NPFFR2: variants seen among roughly 807,000 people sequenced by gnomAD.
The protein encoded by NPFFR2 is G-protein coupled receptor 74.
Under a neutral mutation model 13.1 loss-of-function variants are expected in NPFFR2, and 15 were observed. The observed-to-expected ratio is 1.15, with a 90% confidence interval of 0.77 to 1.76. The LOEUF (loss-of-function observed/expected upper bound fraction) is 1.76, where lower values mean the gene tolerates loss of function less well. NPFFR2 is among the 40% of genes most tolerant of loss of function. The probability of loss-of-function intolerance (pLI) is 0.00; values close to 1 mark genes in which losing one functional copy is unlikely to be tolerated. For synonymous variants in NPFFR2, 190 were observed against 175.7 expected (o/e 1.08, Z -0.65); for missense variants, 572 against 503.5 (o/e 1.14, Z -1.30).
intron 1 of NPFFR2, among the ~76,000 whole-genome samples, chr4:72,128,133 G>T (rs552649282): frequency 6.6e-6 from 1 of 152,240 alleles, no homozygotes; most frequent in Admixed American, 6.5e-5. Context: ...GCAAATACAA[G>T]AAGTTATTTC....
intron 1 of NPFFR2, among the ~76,000 whole-genome samples, chr4:72,090,694 C>G (rs1482302563): frequency 6.6e-6 from 1 of 152,062 alleles, no homozygotes; most frequent in African/African-American, 2.4e-5. Flanking sequence ...TGAAACTTTA[C>G]TGAATTCATT....
intron 2 of NPFFR2, among the ~76,000 whole-genome samples, chr4:72,130,060 G>A (rs1365543433): frequency 6.8e-6 from 1 of 147,598 alleles, no homozygotes; most frequent in Non-Finnish European, 1.5e-5. Flanking sequence ...CGGGGTTGGG[G>A]GTAAGGTCAT....
At chr4:72,105,072 A>G (rs1336578208) in intron 1 of NPFFR2, among the ~76,000 whole-genome samples, 1 of 143,856 alleles carries the variant, frequency 7.0e-6, no homozygotes, top group South Asian at 2.3e-4. Flanking sequence ...TATGCTTGAT[A>G]TATTTACCAA....
At chr4:72,094,134 G>C (rs2109804228) in intron 1 of NPFFR2, among the ~76,000 whole-genome samples, 1 of 152,266 alleles carries the variant, frequency 6.6e-6, no homozygotes, top group African/African-American at 2.4e-5. Flanking sequence ...TGAGCTGCCA[G>C]GCTCCACCTG....
intron 1 of NPFFR2, among the ~76,000 whole-genome samples, chr4:72,046,590 A>G (rs938044140): frequency 6.6e-6 from 1 of 152,184 alleles, no homozygotes; most frequent in Non-Finnish European, 1.5e-5. Context: ...AGAAAAAAAG[A>G]CATACTATTC....
chr4:72,088,701 G>A (rs551917187), intron 1 of NPFFR2, among the ~76,000 whole-genome samples: 1 of 151,986 alleles, frequency 6.6e-6, no homozygotes, highest in Admixed American at 6.6e-5. Flanking sequence ...AGTAAAGGAG[G>A]GAGTGCCACT....
intron 1 of NPFFR2, among the ~76,000 whole-genome samples, chr4:72,056,755 A>C (rs1386142916): frequency 6.6e-6 from 1 of 152,020 alleles, no homozygotes; most frequent in African/African-American, 2.4e-5. Context: ...TCAGATCTTC[A>C]GGGATGATTT....
chr4:72,118,844 G>A (rs1721786798), intron 1 of NPFFR2, among the ~76,000 whole-genome samples: 1 of 151,860 alleles, frequency 6.6e-6, no homozygotes, highest in Non-Finnish European at 1.5e-5. Context: ...ATAACAAAAT[G>A]GAAATGGGGT....
At chr4:72,072,812 G>T (rs1436260642) in intron 1 of NPFFR2, among the ~76,000 whole-genome samples, 23 of 152,062 alleles carry the variant, frequency 1.5e-4, no homozygotes, top group Admixed American at 1.5e-3. Context: ...AATGTTGAAA[G>T]TAGCTTTAGA....
intron 3 of NPFFR2, among the ~76,000 whole-genome samples, chr4:72,139,165 G>C (rs891979965): frequency 1.3e-5 from 2 of 152,032 alleles, no homozygotes; most frequent in Non-Finnish European, 2.9e-5. Context: ...TTAGCCCTTT[G>C]TCAGAAGGGT....
At chr4:72,039,494 A>G in intron 1 of NPFFR2, 1 of 564,734 alleles carries the variant, frequency 1.8e-6, no homozygotes, top group Non-Finnish European at 2.2e-6. Context: ...CTCTCAAATC[A>G]ATCTTTTTGT....
At chr4:72,137,829 A>G (rs997135248) in intron 2 of NPFFR2, among the ~76,000 whole-genome samples, 1 of 152,354 alleles carries the variant, frequency 6.6e-6, no homozygotes. Flanking sequence ...CTGGAATGTG[A>G]TAACTACTAT....
At chr4:72,106,784 T>G (rs970935069) in intron 1 of NPFFR2, among the ~76,000 whole-genome samples, 1 of 152,014 alleles carries the variant, frequency 6.6e-6, no homozygotes, top group African/African-American at 2.4e-5. Context: ...ATTATTAGGC[T>G]GAACAAATTC....
At chr4:72,086,164 T>C (rs1420512275) in intron 1 of NPFFR2, among the ~76,000 whole-genome samples, 1 of 152,116 alleles carries the variant, frequency 6.6e-6, no homozygotes, top group African/African-American at 2.4e-5. Flanking sequence ...CTATTCTCAT[T>C]TGTTGATTAA....
chr4:72,052,836 T>C (rs573935346), intron 1 of NPFFR2, among the ~76,000 whole-genome samples: 1 of 152,120 alleles, frequency 6.6e-6, no homozygotes, highest in Non-Finnish European at 1.5e-5. Context: ...AATCTTGCTC[T>C]TTACAATCGC....
chr4:72,102,736 G>A (rs1243870911), intron 1 of NPFFR2, among the ~76,000 whole-genome samples: 1 of 152,016 alleles, frequency 6.6e-6, no homozygotes, highest in African/African-American at 2.4e-5. Context: ...ATTCCATGGT[G>A]TATATGTGCC....
Position 72,129,337 on chromosome 4 carries a change from C to T in NPFFR2, c.328+418C>T, listed in dbSNP as rs1420386657. Among the ~76,000 whole-genome samples the T allele has an allele frequency of 2.9e-5, 4 of 138,890 alleles. No homozygotes were observed. The Middle Eastern group carries it at 0.01, about 364-fold the overall frequency. 91.1% of individuals were successfully genotyped at this position (138,890 alleles called of 152,430 possible). A position where few individuals can be genotyped will look rare whatever the true frequency, so the allele number is the denominator to read the frequency against. ...GTATAGAGAAAGAAATAAGGGGACC[C>T]GGGGAACCAGCGTTCAGCATATGGA... On this transcript the variant is annotated intron_variant, in intron 2 of 3. Transcript: ENST00000308744.
intron 1 of NPFFR2, among the ~76,000 whole-genome samples, chr4:72,038,905 C>CTTTTTTTTTTTTTTTTTTTTTTTTTT (rs1158358179): frequency 4.7e-5 from 4 of 84,738 alleles, no homozygotes; most frequent in Admixed American, 1.6e-4. Context: ...AATTTCCTTT[C>CTTTTTTTTTTTTTTTTTTTTTTTTTT]TTTTTTTTTT....
At chr4:72,074,969 A>AT (rs71215411) in intron 1 of NPFFR2, among the ~76,000 whole-genome samples, 136,809 of 152,072 alleles carry the variant, frequency 0.9, 62,498 homozygotes, top group Non-Finnish European at 0.98. Context: ...CAAAGAGACA[A>AT]TATAAATATG....
Sources: gnomAD v4.1 joint callset for allele counts (sites outside exome capture counted in the v4.1 genomes callset) on GRCh38, gnomAD v4.1.1 for gene constraint, MANE v1.5 for transcripts, NCBI Gene and HGNC (gene_info 2026-07-23, HGNC 2026-07-21) for gene names.